VAMP7: variants seen among roughly 807,000 people sequenced by gnomAD.
VAMP7 encodes vesicle associated membrane protein 7.
Under a neutral mutation model 29.6 loss-of-function variants are expected in VAMP7, and 14 were observed. That is an observed-to-expected ratio of 0.47 (90% CI 0.31 to 0.74). VAMP7 has a LOEUF of 0.74. Ranked by LOEUF, VAMP7 falls within the 30% of genes least tolerant of loss-of-function variation. The probability of loss-of-function intolerance (pLI) is 0.05; values close to 1 mark genes in which losing one functional copy is unlikely to be tolerated. For missense variants in VAMP7, 223 were observed against 262.4 expected (o/e 0.85, Z 1.04); for synonymous variants, 95 against 88.1 (o/e 1.08, Z -0.44).
intron 6 of VAMP7, among the ~76,000 whole-genome samples, chrX:155,936,809 A>G (rs1569452401): frequency 2.0e-5 from 3 of 152,130 alleles, no homozygotes; most frequent in Non-Finnish European, 4.4e-5. Context: ...AGCTGTTCCT[A>G]TTTGGCCATC....
chrX:155,903,336 A>G (rs2066096397), intron 5 of VAMP7, among the ~76,000 whole-genome samples: 1 of 152,332 alleles, frequency 6.6e-6, no homozygotes, highest in African/African-American at 2.4e-5. Flanking sequence ...AATGGCAACA[A>G]AAGCCAAAAT....
At chrX:155,896,197 G>T (rs777486582) in intron 3 of VAMP7, among the ~76,000 whole-genome samples, 3 of 152,280 alleles carry the variant, frequency 2.0e-5, no homozygotes, top group South Asian at 4.2e-4. Context: ...TGATACTGGG[G>T]TATGTGCAAA....
chrX:155,895,437 T>G (rs1191831637), intron 2 of VAMP7, among the ~76,000 whole-genome samples, 186 bp from the exon 3 acceptor site: 5 of 152,182 alleles, frequency 3.3e-5, no homozygotes, highest in Non-Finnish European at 5.9e-5. Context: ...TTATTTCTTA[T>G]GTACTTCTAT....
intron 5 of VAMP7, among the ~76,000 whole-genome samples, chrX:155,918,990 C>T (rs1368218757): frequency 2.0e-5 from 3 of 152,004 alleles, no homozygotes; most frequent in South Asian, 2.1e-4. Context: ...GCTAGTATTT[C>T]GTTGAGGATT....
At chrX:155,885,718 T>C (rs777101452) in intron 1 of VAMP7, among the ~76,000 whole-genome samples, 1 of 152,212 alleles carries the variant, frequency 6.6e-6, no homozygotes, top group Non-Finnish European at 1.5e-5. Context: ...ACCATGTGAC[T>C]ACAGAGGTAA....
At chrX:155,902,417 T>C (rs1020953582) in intron 5 of VAMP7, among the ~76,000 whole-genome samples, 15 of 149,210 alleles carry the variant, frequency 1.0e-4, no homozygotes, top group Admixed American at 3.4e-4. Context: ...TGAATAGGAG[T>C]GGTGAGAGAG....
At chrX:155,929,623 A>G (rs2066518743) in intron 6 of VAMP7, among the ~76,000 whole-genome samples, 1 of 152,084 alleles carries the variant, frequency 6.6e-6, no homozygotes, top group South Asian at 2.1e-4. Flanking sequence ...TCAGCATTTT[A>G]GATATAAGTT....
At chrX:155,889,991 A>G (rs1034234916) in intron 2 of VAMP7, among the ~76,000 whole-genome samples, 16 of 152,070 alleles carry the variant, frequency 1.1e-4, no homozygotes, top group Admixed American at 2.6e-4. Flanking sequence ...TGCTGGGGAT[A>G]TAACAAGATA....
At chrX:155,901,340 A>G (rs2066058862) in intron 5 of VAMP7, among the ~76,000 whole-genome samples, 1 of 151,820 alleles carries the variant, frequency 6.6e-6, no homozygotes, top group Non-Finnish European at 1.5e-5. Flanking sequence ...TGTTGAGACA[A>G]CTACTATTTA....
At position 155,903,750 on chromosome X, in the gene VAMP7, A is replaced by T. The variant is rs906576254; in HGVS notation, c.433+3163A>T. 5.2e-4 allele frequency among the ~76,000 whole-genome samples: 79 copies of T among 152,244 alleles called. 1 individual carries two copies. Among genetic ancestry groups the T allele is most frequent in the African/African-American group, 1.7e-3 (70 of 41,548 alleles). The stretch of plus-strand genomic sequence containing the variant: ...TGGAGAAATAGGAACACTTTTACAC[A>T]GTTGGTCGGACTGTAAACTAGTTCA... On this transcript the variant is annotated intron_variant, in intron 5 of 7. Transcript: ENST00000286448.
chrX:155,931,116 G>A (rs2066546821), intron 6 of VAMP7, among the ~76,000 whole-genome samples: 2 of 152,124 alleles, frequency 1.3e-5, no homozygotes, highest in Admixed American at 6.6e-5. Context: ...ATCATTGTTG[G>A]ACATTTGGGT....
chrX:155,920,887 C>A (rs2066385931), intron 6 of VAMP7, among the ~76,000 whole-genome samples: 1 of 152,146 alleles, frequency 6.6e-6, no homozygotes, highest in Non-Finnish European at 1.5e-5. Context: ...AGTCTACTAT[C>A]AGGTTTTCTA....
Position 155,943,114 on chromosome X carries a change from C to T in VAMP7, c.*1163C>T, listed in dbSNP as rs377301530. The T allele has an allele frequency of 4.7e-5, 7 of 148,422 alleles. No individual in the cohort carries two copies. The highest frequency in any genetic ancestry group is 3.4e-4 in the Admixed American group (5 of 14,648). The allele number at this position is 148,422 out of a possible 1,614,324, so 9.2% of individuals were successfully genotyped here. On this transcript the variant is annotated 3_prime_UTR_variant, in exon 8 of 8. Transcript: ENST00000286448. ...TAAGAAAATTGGACTGTAATCATAT[C>T]GCTACTGGCATCTGTTATCTAGTAT...
intron 6 of VAMP7, among the ~76,000 whole-genome samples, chrX:155,926,739 C>T (rs951908246): frequency 4.6e-5 from 7 of 152,190 alleles, no homozygotes; most frequent in Admixed American, 3.3e-4. Context: ...TCTCAGCTTT[C>T]GACATGCCTT....
chrX:155,888,097 C>T (rs1223330031), intron 1 of VAMP7, among the ~76,000 whole-genome samples: 1 of 152,040 alleles, frequency 6.6e-6, no homozygotes, highest in Non-Finnish European at 1.5e-5. Flanking sequence ...GATCACAACC[C>T]TGGGGAACAA....
At chrX:155,908,432 G>C (rs1312922672) in intron 5 of VAMP7, among the ~76,000 whole-genome samples, 3 of 152,154 alleles carry the variant, frequency 2.0e-5, no homozygotes, top group African/African-American at 7.2e-5. Flanking sequence ...GGCAGCACTC[G>C]GCAGGCTGAG....
At chrX:155,924,237 G>A (rs2066437349) in intron 6 of VAMP7, among the ~76,000 whole-genome samples, 1 of 151,994 alleles carries the variant, frequency 6.6e-6, no homozygotes, top group Non-Finnish European at 1.5e-5. Flanking sequence ...CATTTAAAGG[G>A]TACACTTCAG....
chrX:155,926,110 C>T lies in VAMP7; in HGVS notation c.501+6230C>T, dbSNP rs192166484. Among the ~76,000 whole-genome samples the T allele has an allele frequency of 1.1e-3, 175 of 152,226 alleles. 2 individuals are homozygous for T. The highest frequency in any genetic ancestry group is 4.1e-3 in the African/African-American group (169 of 41,554). ...CAGAGTATATTTAGCATAATTCTTA[C>T]GGGCCCTAGATTTTCAGAATGGTAA... On this transcript the variant is annotated intron_variant, in intron 6 of 7. Coordinates refer to ENST00000286448, the MANE Select transcript of VAMP7 (RefSeq NM_005638.6).
intron 5 of VAMP7, among the ~76,000 whole-genome samples, chrX:155,904,818 C>T (rs901821297): frequency 6.6e-6 from 1 of 151,098 alleles, no homozygotes; most frequent in Admixed American, 6.6e-5. Flanking sequence ...TGTATCTACT[C>T]ATTAGTTCAT....
Sources: gnomAD v4.1 joint callset for allele counts (sites outside exome capture counted in the v4.1 genomes callset) on GRCh38, gnomAD v4.1.1 for gene constraint, MANE v1.5 for transcripts, NCBI Gene and HGNC (gene_info 2026-07-23, HGNC 2026-07-21) for gene names.